PTPRG: variants seen among roughly 807,000 people sequenced by gnomAD.
The protein encoded by PTPRG is protein tyrosine phosphatase receptor type G.
PTPRG carries 102 observed loss-of-function variants against 165.3 expected under a neutral mutation model. That is an observed-to-expected ratio of 0.62 (90% CI 0.53 to 0.73). PTPRG has a LOEUF of 0.73. Among genes scored for constraint, PTPRG ranks in the 30% least tolerant of loss-of-function variants. PTPRG has a pLI of 0.00. For missense variants in PTPRG, 1,866 were observed against 1,861.4 expected (o/e 1.00, Z -0.05); for synonymous variants, 675 against 669.5 (o/e 1.01, Z -0.13).
At chr3:61,762,574 G>GT (rs1469059243) in intron 2 of PTPRG, among the ~76,000 whole-genome samples, 8 of 152,198 alleles carry the variant, frequency 5.3e-5, no homozygotes, top group African/African-American at 1.9e-4. Flanking sequence ...TCATGCCCCT[G>GT]TACTCCAGCC....
At chr3:62,048,772 T>G (rs1250273709) in intron 4 of PTPRG, among the ~76,000 whole-genome samples, 1 of 152,242 alleles carries the variant, frequency 6.6e-6, no homozygotes, top group Non-Finnish European at 1.5e-5. Context: ...ACATAATTGC[T>G]GTGTCATCAC....
At chr3:61,711,895 T>TTTC (rs2031575461) in intron 1 of PTPRG, among the ~76,000 whole-genome samples, 1 of 134,934 alleles carries the variant, frequency 7.4e-6, no homozygotes. Context: ...ATTATAGTCT[T>TTTC]TTTTTTTTTT....
intron 2 of PTPRG, among the ~76,000 whole-genome samples, chr3:61,834,682 G>A (rs557462336): frequency 1.3e-5 from 2 of 152,244 alleles, no homozygotes; most frequent in African/African-American, 2.4e-5. Flanking sequence ...GCATGGTGGC[G>A]TGTGCCTGTA....
chr3:62,067,470 G>C (rs1396157429), intron 4 of PTPRG, among the ~76,000 whole-genome samples: 1 of 152,034 alleles, frequency 6.6e-6, no homozygotes, highest in Non-Finnish European at 1.5e-5. Context: ...GATGGTTTCA[G>C]GATGAGTCAC....
intron 15 of PTPRG, among the ~76,000 whole-genome samples, chr3:62,246,665 G>A (rs1341581115): frequency 2.0e-5 from 3 of 151,778 alleles, no homozygotes; most frequent in Non-Finnish European, 2.9e-5. Flanking sequence ...TTCTTTAATG[G>A]AGACCTCCAT....
chr3:61,880,151 G>A (rs1329733879), intron 2 of PTPRG, among the ~76,000 whole-genome samples: 1 of 152,188 alleles, frequency 6.6e-6, no homozygotes, highest in African/African-American at 2.4e-5. Context: ...TATTTATTGA[G>A]TGCTTATCAA....
At chr3:62,205,736 G>A (rs142947184) in intron 12 of PTPRG, among the ~76,000 whole-genome samples, 1 of 152,290 alleles carries the variant, frequency 6.6e-6, no homozygotes, top group East Asian at 1.9e-4. Flanking sequence ...AGGGGGAGAG[G>A]AGGGGATGGA....
chr3:62,166,016 A>C (rs896832597), intron 7 of PTPRG, among the ~76,000 whole-genome samples: 7 of 151,970 alleles, frequency 4.6e-5, no homozygotes, highest in Non-Finnish European at 8.8e-5. Flanking sequence ...AAGCCTTGAC[A>C]GTCACTCAAT....
In PTPRG at chr3:61,718,213, CAAAA is replaced by C. The variant is rs376955925; in HGVS notation, c.86-30652_86-30649del. Among the ~76,000 whole-genome samples the C allele has an allele frequency of 2.3e-4, 24 of 102,436 alleles. 1 individual carries two copies. Among genetic ancestry groups the C allele is most frequent in the East Asian group, 5.5e-4 (2 of 3,650 alleles). 67.2% of individuals were successfully genotyped at this position (102,436 alleles called of 152,430 possible). A position where few individuals can be genotyped will look rare whatever the true frequency, so the allele number is the denominator to read the frequency against. ...CAAAACAAAACAAAAAAACAAAAAC[CAAAA>C]AAAAAAAAAAAACGCAGACTCAGAG... On this transcript the variant is annotated intron_variant, in intron 1 of 29. Transcript: ENST00000474889.
At chr3:62,192,393 CTTTTT>C (rs71123255) in intron 9 of PTPRG, among the ~76,000 whole-genome samples, 1,559 of 52,600 alleles carry the variant, frequency 0.03, 82 homozygotes, top group African/African-American at 0.091. Flanking sequence ...CAACTACTGT[CTTTTT>C]TTTTTTTTTT....
chr3:61,785,243 A>C (rs1367492902), intron 2 of PTPRG, among the ~76,000 whole-genome samples: 1 of 152,214 alleles, frequency 6.6e-6, no homozygotes, highest in African/African-American at 2.4e-5. Flanking sequence ...CAGGAGATAT[A>C]CATACTTTTT....
intron 1 of PTPRG, among the ~76,000 whole-genome samples, chr3:61,634,918 C>T (rs947756853): frequency 6.6e-6 from 1 of 152,188 alleles, no homozygotes; most frequent in African/African-American, 2.4e-5. Context: ...TGATATAGTT[C>T]AGACCTTGGC....
chr3:61,696,228 G>A (rs998601380), intron 1 of PTPRG, among the ~76,000 whole-genome samples: 1 of 152,150 alleles, frequency 6.6e-6, no homozygotes, highest in Non-Finnish European at 1.5e-5. Flanking sequence ...CAGGCCGGGC[G>A]CGGTGACTCA....
In PTPRG at chr3:61,813,327, TAAAAAAAA is replaced by T. The variant is rs757811011; in HGVS notation, c.190+64357_190+64364del. On this transcript the variant is annotated intron_variant, in intron 2 of 29. Transcript: ENST00000474889. ...TAACACGGTTAAACCCCATGATTAC[TAAAAAAAA>T]AAAAAAAAAAATAGAAAAAAAATAG... 1.1e-3 allele frequency among the ~76,000 whole-genome samples: 95 copies of T among 87,506 alleles called. 1 individual carries two copies. In the East Asian group the frequency reaches 0.019, roughly 18 times the overall value. The allele number at this position is 87,506 out of a possible 152,430, so 57.4% of individuals were successfully genotyped here.
intron 2 of PTPRG, among the ~76,000 whole-genome samples, chr3:61,907,503 G>T (rs554777150): frequency 6.6e-6 from 1 of 152,326 alleles, no homozygotes; most frequent in East Asian, 1.9e-4. Context: ...TTGAATAAAA[G>T]TGTGTTTTTA....
At chr3:61,706,932 A>T (rs189400658) in intron 1 of PTPRG, among the ~76,000 whole-genome samples, 1 of 152,286 alleles carries the variant, frequency 6.6e-6, no homozygotes, top group African/African-American at 2.4e-5. Context: ...TGTGAATTTT[A>T]TACATTTACT....
chr3:61,564,252 GT>G (rs1699849102), intron 1 of PTPRG, among the ~76,000 whole-genome samples: 1 of 152,238 alleles, frequency 6.6e-6, no homozygotes. Flanking sequence ...GCACACAGGG[GT>G]TGAGCTTTGT....
intron 5 of PTPRG, among the ~76,000 whole-genome samples, chr3:62,128,476 C>G (rs1224814859): frequency 1.3e-5 from 2 of 152,034 alleles, no homozygotes; most frequent in Non-Finnish European, 2.9e-5. Context: ...AGCACATTGA[C>G]AAGCTCAGGG....
intron 12 of PTPRG, among the ~76,000 whole-genome samples, chr3:62,216,046 C>T (rs1291967695): frequency 6.6e-6 from 1 of 151,970 alleles, no homozygotes; most frequent in African/African-American, 2.4e-5. Flanking sequence ...GGTGAAACCT[C>T]GTCTCTACTA....
Sources: gnomAD v4.1 joint callset for allele counts (sites outside exome capture counted in the v4.1 genomes callset) on GRCh38, gnomAD v4.1.1 for gene constraint, MANE v1.5 for transcripts, NCBI Gene and HGNC (gene_info 2026-07-23, HGNC 2026-07-21) for gene names.